The following KIAA1328 variants were observed in gnomAD, a reference collection of about 807,000 sequenced individuals.
KIAA1328 encodes protein hinderin.
In KIAA1328, 52 loss-of-function variants were observed where a neutral mutation model predicts 68.1. The ratio of observed to expected loss-of-function variants is 0.76; its 90% CI spans 0.61 to 0.96. The LOEUF is 0.96. KIAA1328 is among the 40% of genes least tolerant of loss of function. The pLI is 0.00. For synonymous variants in KIAA1328, 232 were observed against 239.4 expected (o/e 0.97, Z 0.28); for missense variants, 641 against 677.6 (o/e 0.95, Z 0.60).
Position 37,223,427 on chromosome 18 carries a change from A to G in KIAA1328, c.*1200A>G, listed in dbSNP as rs1049759521. On this transcript the variant is annotated 3_prime_UTR_variant, in exon 10 of 10. Coordinates refer to ENST00000280020, the MANE Select transcript of KIAA1328 (RefSeq NM_020776.3). Reference sequence around the variant, plus strand: ...GGTCCTTCAGCTTGCAGTGGTCCCTAGTAGCCTCTCAAGCTAATGGGGATG... The same window carrying G: ...GGTCCTTCAGCTTGCAGTGGTCCCTGGTAGCCTCTCAAGCTAATGGGGATG... The G allele has an allele frequency of 3.5e-5, 34 of 985,406 alleles. No individual in the cohort carries two copies. The African/African-American group carries it at 5.4e-4, about 16-fold the overall frequency. The allele number at this position is 985,406 out of a possible 1,614,324, so 61.0% of individuals were successfully genotyped here.
At chr18:37,028,043 G>A (rs1215545627) in intron 6 of KIAA1328, among the ~76,000 whole-genome samples, 2 of 152,106 alleles carry the variant, frequency 1.3e-5, no homozygotes, top group African/African-American at 4.8e-5. Flanking sequence ...AAAAGTGGGT[G>A]AAGGATATGA....
intron 6 of KIAA1328, among the ~76,000 whole-genome samples, chr18:37,053,997 A>G (rs2055809647): frequency 1.3e-5 from 2 of 152,148 alleles, no homozygotes; most frequent in Non-Finnish European, 2.9e-5. Flanking sequence ...TAGGCAAACG[A>G]CATGAACAGA....
At chr18:37,142,622 A>AAC (rs367938757) in intron 7 of KIAA1328, among the ~76,000 whole-genome samples, 5 of 151,012 alleles carry the variant, frequency 3.3e-5, no homozygotes, top group East Asian at 1.9e-4. Flanking sequence ...CACACACACA[A>AAC]ACACACACAC....
intron 9 of KIAA1328, among the ~76,000 whole-genome samples, chr18:37,201,925 C>T (rs1040367451): frequency 9.9e-5 from 15 of 152,246 alleles, no homozygotes; most frequent in African/African-American, 3.6e-4. Flanking sequence ...CTAAAAGCAA[C>T]CTCATTTCCT....
chr18:36,943,292 A>G (rs145449828), intron 5 of KIAA1328, among the ~76,000 whole-genome samples: 1 of 152,352 alleles, frequency 6.6e-6, no homozygotes, highest in African/African-American at 2.4e-5. Flanking sequence ...ATTTAAGTGT[A>G]CAACTACTTT....
At chr18:37,175,371 GT>G (rs1247619893) in intron 9 of KIAA1328, among the ~76,000 whole-genome samples, 1 of 152,128 alleles carries the variant, frequency 6.6e-6, no homozygotes, top group Non-Finnish European at 1.5e-5. Context: ...ACATTGTAGA[GT>G]TTTACAAGCC....
At chr18:36,991,567 T>C (rs934450115) in intron 6 of KIAA1328, among the ~76,000 whole-genome samples, 7 of 152,176 alleles carry the variant, frequency 4.6e-5, no homozygotes, top group African/African-American at 1.4e-4. Flanking sequence ...ATGAAAACAA[T>C]AAAATGAATT....
intron 6 of KIAA1328, among the ~76,000 whole-genome samples, chr18:37,000,026 A>T (rs953521315): frequency 6.6e-6 from 1 of 152,176 alleles, no homozygotes; most frequent in Non-Finnish European, 1.5e-5. Context: ...ACTTGAACTT[A>T]TATGGATTAA....
intron 9 of KIAA1328, among the ~76,000 whole-genome samples, chr18:37,212,503 A>G (rs555556974): frequency 1.8e-4 from 27 of 152,284 alleles, no homozygotes; most frequent in African/African-American, 6.3e-4. Context: ...AAAAAGTGCA[A>G]TTAAAGGTGC....
chr18:37,081,043 T>C (rs2930873), intron 7 of KIAA1328, among the ~76,000 whole-genome samples: 61,219 of 151,436 alleles, frequency 0.4, 14,215 homozygotes, highest in African/African-American at 0.64. Flanking sequence ...TGCAGTGGCG[T>C]GATCTCGACT....
chr18:37,116,258 C>T (rs2058102553), intron 7 of KIAA1328, among the ~76,000 whole-genome samples: 2 of 152,332 alleles, frequency 1.3e-5, no homozygotes, highest in South Asian at 4.1e-4. Flanking sequence ...TGACTTCAAA[C>T]TATACTACAA....
chr18:37,010,326 C>T (rs1212372270), intron 6 of KIAA1328, among the ~76,000 whole-genome samples: 1 of 151,176 alleles, frequency 6.6e-6, no homozygotes, highest in African/African-American at 2.4e-5. Flanking sequence ...ACCTGTAGTC[C>T]CAGCTACTCG....
At chr18:37,115,700 A>G (rs528866309) in intron 7 of KIAA1328, among the ~76,000 whole-genome samples, 9 of 152,348 alleles carry the variant, frequency 5.9e-5, no homozygotes, top group Admixed American at 2.0e-4. Flanking sequence ...AAAGTATTCA[A>G]TTAGGAAGAG....
chr18:37,141,283 A>C (rs1186195132), intron 7 of KIAA1328, among the ~76,000 whole-genome samples: 1 of 152,142 alleles, frequency 6.6e-6, no homozygotes, highest in South Asian at 2.1e-4. Flanking sequence ...TGCAACCAAT[A>C]ATCTGTTATA....
At chr18:37,105,583 G>C (rs1286335904) in intron 7 of KIAA1328, among the ~76,000 whole-genome samples, 1 of 151,256 alleles carries the variant, frequency 6.6e-6, no homozygotes, top group Non-Finnish European at 1.5e-5. Context: ...CATAATAGAG[G>C]CATTTTCAAG....
At chr18:37,198,102 G>T (rs1420244180) in intron 9 of KIAA1328, among the ~76,000 whole-genome samples, 1 of 152,136 alleles carries the variant, frequency 6.6e-6, no homozygotes, top group East Asian at 1.9e-4. Flanking sequence ...TATAGTATAT[G>T]ATTTTATTTA....
intron 6 of KIAA1328, among the ~76,000 whole-genome samples, chr18:37,029,269 T>C (rs929016621): frequency 5.9e-5 from 9 of 152,190 alleles, no homozygotes; most frequent in African/African-American, 1.7e-4. Flanking sequence ...TTCAGGAATT[T>C]ATCCATTTCT....
chr18:37,131,772 T>C (rs1278532247), intron 7 of KIAA1328, among the ~76,000 whole-genome samples: 3 of 152,194 alleles, frequency 2.0e-5, no homozygotes, highest in Non-Finnish European at 4.4e-5. Context: ...ACTGTTAACA[T>C]TAAGGTAGCA....
intron 4 of KIAA1328, among the ~76,000 whole-genome samples, chr18:36,870,195 G>A (rs995789911): frequency 9.9e-5 from 15 of 152,080 alleles, no homozygotes; most frequent in African/African-American, 3.4e-4. Flanking sequence ...AAATTTTCAG[G>A]TTTTGATTGA....
Sources: gnomAD v4.1 joint callset for allele counts (sites outside exome capture counted in the v4.1 genomes callset) on GRCh38, gnomAD v4.1.1 for gene constraint, MANE v1.5 for transcripts, NCBI Gene and HGNC (gene_info 2026-07-23, HGNC 2026-07-21) for gene names.